The following LOC128462377 variants were observed in gnomAD, a reference collection of about 807,000 sequenced individuals.
chr16:89,353,199 G>T, the LOC128462377 span, among the ~76,000 whole-genome samples: 1 of 151,930 alleles, frequency 6.6e-6, no homozygotes, highest in African/African-American at 2.4e-5. Flanking sequence ...AAAATTAGCC[G>T]TGCATGGTGG....
the LOC128462377 span, among the ~76,000 whole-genome samples, chr16:89,362,403 T>C: frequency 6.6e-6 from 1 of 152,242 alleles, no homozygotes; most frequent in South Asian, 2.1e-4. Context: ...TGCACGAAAG[T>C]TCCATCTAGA....
the LOC128462377 span, among the ~76,000 whole-genome samples, chr16:89,331,858 T>G: frequency 6.6e-6 from 1 of 152,190 alleles, no homozygotes; most frequent in Non-Finnish European, 1.5e-5. Flanking sequence ...GATGCAATGG[T>G]GTGGACTCGG....
At chr16:89,354,580 A>G in the LOC128462377 span, among the ~76,000 whole-genome samples, 12 of 152,228 alleles carry the variant, frequency 7.9e-5, no homozygotes, top group African/African-American at 2.9e-4. Context: ...TCATCAAAGC[A>G]TGCTTTAAAT....
the LOC128462377 span, among the ~76,000 whole-genome samples, chr16:89,357,494 T>C: frequency 3.2e-4 from 48 of 152,196 alleles, no homozygotes; most frequent in African/African-American, 9.4e-4. Context: ...GGACTAAGCA[T>C]ATGATCCAGC....
chr16:89,415,694 G>A, the LOC128462377 span, among the ~76,000 whole-genome samples: 1 of 151,328 alleles, frequency 6.6e-6, no homozygotes, highest in Non-Finnish European at 1.5e-5. Flanking sequence ...TGGGTGTGGT[G>A]GTGGGTACCT....
the LOC128462377 span, among the ~76,000 whole-genome samples, chr16:89,396,850 C>A: frequency 6.6e-6 from 1 of 152,116 alleles, no homozygotes; most frequent in Non-Finnish European, 1.5e-5. Context: ...CCACACCCGG[C>A]TAATTTTTAT....
At chr16:89,380,440 C>G in the LOC128462377 span, among the ~76,000 whole-genome samples, 4 of 152,100 alleles carry the variant, frequency 2.6e-5, no homozygotes, top group South Asian at 6.2e-4. Flanking sequence ...TCCTTTTCTC[C>G]TAAGTGGATT....
chr16:89,325,266 T>C, the LOC128462377 span, among the ~76,000 whole-genome samples: 2 of 152,130 alleles, frequency 1.3e-5, no homozygotes, highest in Non-Finnish European at 2.9e-5. Context: ...TGAGGAACCC[T>C]GTCTCTACGA....
At chr16:89,368,378 T>G in the LOC128462377 span, among the ~76,000 whole-genome samples, 13 of 128,366 alleles carry the variant, frequency 1.0e-4, no homozygotes, top group Admixed American at 4.6e-4. Context: ...TGTGTTTTTT[T>G]TTTTTTTTTT....
chr16:89,399,444 C>T, the LOC128462377 span, among the ~76,000 whole-genome samples: 5 of 152,192 alleles, frequency 3.3e-5, no homozygotes, highest in African/African-American at 1.2e-4. Context: ...ACTCTGACAT[C>T]CAGGAAAGGG....
the LOC128462377 span, among the ~76,000 whole-genome samples, chr16:89,406,952 G>C: frequency 6.6e-6 from 1 of 152,188 alleles, no homozygotes; most frequent in African/African-American, 2.4e-5. Flanking sequence ...GCCAGGGGAA[G>C]GGGGAGCAGA....
the LOC128462377 span, among the ~76,000 whole-genome samples, chr16:89,323,591 G>T: frequency 1.4e-5 from 1 of 71,292 alleles, no homozygotes; most frequent in Non-Finnish European, 3.6e-5. Flanking sequence ...GCCCAGGGCA[G>T]GGGGGCTGAG....
the LOC128462377 span, among the ~76,000 whole-genome samples, chr16:89,366,010 C>T: frequency 6.6e-6 from 1 of 151,962 alleles, no homozygotes; most frequent in Non-Finnish European, 1.5e-5. Flanking sequence ...GGCCTCCAGG[C>T]TCTATCCATG....
At chr16:89,350,679 C>A in the LOC128462377 span, among the ~76,000 whole-genome samples, 1 of 152,178 alleles carries the variant, frequency 6.6e-6, no homozygotes, top group Non-Finnish European at 1.5e-5. Flanking sequence ...GGGGAACTTT[C>A]TTGGGGTGAT....
chr16:89,350,270 G>T, the LOC128462377 span, among the ~76,000 whole-genome samples: 2 of 152,146 alleles, frequency 1.3e-5, no homozygotes, highest in Admixed American at 1.3e-4. Flanking sequence ...AAAGAGTCTG[G>T]CAGGTTCTTA....
chr16:89,339,116 C>T, the LOC128462377 span, among the ~76,000 whole-genome samples: 1 of 152,150 alleles, frequency 6.6e-6, no homozygotes, highest in Non-Finnish European at 1.5e-5. Context: ...CCCAGGATCC[C>T]TGTAATTATA....
chr16:89,318,924 G>A, the LOC128462377 span, among the ~76,000 whole-genome samples: 1,587 of 152,244 alleles, frequency 0.01, 25 homozygotes, highest in African/African-American at 0.035. Flanking sequence ...CTGAACCAAT[G>A]AATTTTACAT....
chr16:89,410,991 C>A, the LOC128462377 span, among the ~76,000 whole-genome samples: 46 of 152,248 alleles, frequency 3.0e-4, no homozygotes, highest in Non-Finnish European at 5.9e-5. Context: ...CAGGCGCTTT[C>A]CTGAAAGCTG....
chr16:89,389,128 C>A, the LOC128462377 span, among the ~76,000 whole-genome samples: 1 of 152,120 alleles, frequency 6.6e-6, no homozygotes. Context: ...AGGCAATCCT[C>A]CCACCTCAGC....
Sources: gnomAD v4.1 joint callset for allele counts (sites outside exome capture counted in the v4.1 genomes callset) on GRCh38, gnomAD v4.1.1 for gene constraint, MANE v1.5 for transcripts.